FAM135B: variants seen among roughly 807,000 people sequenced by gnomAD.
FAM135B encodes protein FAM135B.
FAM135B carries 43 observed loss-of-function variants against 127.7 expected under a neutral mutation model. The ratio of observed to expected loss-of-function variants is 0.34; its 90% confidence interval spans 0.26 to 0.43. The LOEUF is 0.43. Among genes scored for constraint, FAM135B ranks in the 20% least tolerant of loss-of-function variants. The pLI is 1.00. For missense variants in FAM135B, 1,558 were observed against 1,725.6 expected (o/e 0.90, Z 1.72); for synonymous variants, 670 against 665.1 (o/e 1.01, Z -0.11).
intron 3 of FAM135B, among the ~76,000 whole-genome samples, chr8:138,267,438 C>T (rs1370707178): frequency 6.6e-6 from 1 of 151,342 alleles, no homozygotes; most frequent in Non-Finnish European, 1.5e-5. Flanking sequence ...GATTCATCCT[C>T]ACATCTACCT....
intron 19 of FAM135B, among the ~76,000 whole-genome samples, chr8:138,135,888 CT>C (rs1368485746): frequency 6.6e-6 from 1 of 151,902 alleles, no homozygotes; most frequent in East Asian, 1.9e-4. Context: ...AACTATATTA[CT>C]CTAAATCAAA....
intron 1 of FAM135B, among the ~76,000 whole-genome samples, chr8:138,402,564 ACCTCTATGCAGAGAAGTAGGTG>A (rs1359328481): frequency 6.6e-6 from 1 of 152,088 alleles, no homozygotes; most frequent in African/African-American, 2.4e-5. Flanking sequence ...ACATTAACTC[ACCTCTATGCAGAGAAGTAGGTG>A]CTCCCTGTTG....
Position 138,382,995 on chromosome 8 carries a change from G to A in FAM135B, c.-19-14993C>T, listed in dbSNP as rs566191801. 1.1e-3 allele frequency among the ~76,000 whole-genome samples: 161 copies of A among 152,244 alleles called. 2 individuals carry two copies. Among genetic ancestry groups the A allele is most frequent in the African/African-American group, 3.8e-3 (158 of 41,546 alleles). ...GTGATTGTAGGCATACGTCTGGCCT[G>A]GACATATCCACTGGGAAAGGGGCCA... On this transcript the variant is annotated intron_variant, in intron 1 of 19. Coordinates refer to ENST00000395297, the MANE Select transcript of FAM135B (RefSeq NM_015912.4).
At chr8:138,194,892 G>A (rs1816483216) in intron 9 of FAM135B, among the ~76,000 whole-genome samples, 2 of 152,202 alleles carry the variant, frequency 1.3e-5, no homozygotes, top group Admixed American at 1.3e-4. Context: ...TCCCTGCCAT[G>A]TCTGAGGCCA....
At chr8:138,324,603 A>T (rs1031753845) in intron 2 of FAM135B, among the ~76,000 whole-genome samples, 13 of 152,236 alleles carry the variant, frequency 8.5e-5, no homozygotes, top group African/African-American at 3.1e-4. Flanking sequence ...CAGTGTTCCA[A>T]CCACTATGCT....
intron 1 of FAM135B, among the ~76,000 whole-genome samples, chr8:138,432,613 T>C (rs1435655883): frequency 1.3e-5 from 2 of 151,964 alleles, no homozygotes; most frequent in Non-Finnish European, 2.9e-5. Flanking sequence ...AAAATAGGGA[T>C]AGCATCCGTA....
intron 1 of FAM135B, among the ~76,000 whole-genome samples, chr8:138,412,155 GC>G (rs1175672666): frequency 6.6e-6 from 1 of 152,122 alleles, no homozygotes; most frequent in African/African-American, 2.4e-5. Flanking sequence ...TGTATCCCCA[GC>G]CTCAGCATCA....
chr8:138,304,741 C>T (rs1164207933), intron 3 of FAM135B, among the ~76,000 whole-genome samples: 2 of 152,214 alleles, frequency 1.3e-5, no homozygotes, highest in East Asian at 1.9e-4. Flanking sequence ...ACAAAGGATA[C>T]AGTGGCAATG....
chr8:138,427,003 G>T (rs1834923930), intron 1 of FAM135B, among the ~76,000 whole-genome samples: 1 of 151,910 alleles, frequency 6.6e-6, no homozygotes, highest in South Asian at 2.1e-4. Flanking sequence ...TGGCAATTTG[G>T]ATTAATTGCA....
intron 1 of FAM135B, among the ~76,000 whole-genome samples, chr8:138,408,025 G>T (rs1281142930): frequency 6.6e-6 from 1 of 152,146 alleles, no homozygotes; most frequent in African/African-American, 2.4e-5. Context: ...TCCAGGCTTT[G>T]TTGTTCCATT....
chr8:138,273,834 G>C (rs187396416), intron 3 of FAM135B, among the ~76,000 whole-genome samples: 23 of 152,116 alleles, frequency 1.5e-4, no homozygotes, highest in Admixed American at 7.9e-4. Context: ...TAGAACCCTA[G>C]GTCATGGTCC....
At chr8:138,377,057 C>T (rs959236056) in intron 1 of FAM135B, among the ~76,000 whole-genome samples, 1 of 152,188 alleles carries the variant, frequency 6.6e-6, no homozygotes, top group African/African-American at 2.4e-5. Flanking sequence ...GAAGAAATAT[C>T]ATAATTCCAA....
At chr8:138,265,559 T>C in intron 4 of FAM135B, 144 bp downstream of exon 4, 1 of 818,662 alleles carries the variant, frequency 1.2e-6, no homozygotes, top group Non-Finnish European at 1.9e-6. Flanking sequence ...CATAAATAAG[T>C]GCATGAGTGC....
chr8:138,228,708 C>T (rs1445371632), intron 7 of FAM135B, among the ~76,000 whole-genome samples: 1 of 152,110 alleles, frequency 6.6e-6, no homozygotes, highest in Non-Finnish European at 1.5e-5. Context: ...CCTCTTAAAC[C>T]TCAAGCAGTA....
At chr8:138,456,060 T>A (rs919246871) in intron 1 of FAM135B, among the ~76,000 whole-genome samples, 3 of 152,210 alleles carry the variant, frequency 2.0e-5, no homozygotes, top group African/African-American at 7.2e-5. Context: ...TGTCAGCACA[T>A]AGTAGGTGGT....
chr8:138,318,314 C>T (rs1827225903), intron 2 of FAM135B, among the ~76,000 whole-genome samples: 1 of 152,202 alleles, frequency 6.6e-6, no homozygotes, highest in African/African-American at 2.4e-5. Context: ...CACCAACTGT[C>T]ACATTGTAAG....
rs1165370662 is a variant in FAM135B at position 138,410,335 on chromosome 8, G to A, written c.-19-42333C>T. On this transcript the variant is annotated intron_variant, in intron 1 of 19. Coordinates refer to ENST00000395297, the MANE Select transcript of FAM135B (RefSeq NM_015912.4). ...CCCAGTGAGCCCTGTTCCTGGTGTC[G>A]ATGCCCTTGTGTGATCCTAAGGATT... Among the ~76,000 whole-genome samples, 6 of 152,092 alleles carry A rather than the reference G, an allele frequency of 3.9e-5. No individual in the cohort carries two copies. The East Asian group carries it at 7.7e-4, about 20-fold the overall frequency.
intron 2 of FAM135B, among the ~76,000 whole-genome samples, chr8:138,325,776 A>G (rs1208646105): frequency 1.3e-5 from 2 of 152,128 alleles, no homozygotes; most frequent in Non-Finnish European, 2.9e-5. Context: ...CAACAACCCT[A>G]ATGGTGCTTT....
intron 12 of FAM135B, among the ~76,000 whole-genome samples, chr8:138,160,531 G>C (rs1434766178): frequency 2.0e-5 from 3 of 151,586 alleles, no homozygotes; most frequent in Non-Finnish European, 2.9e-5. Flanking sequence ...TGGGATTACA[G>C]GCACATGCCA....
Sources: allele counts gnomAD v4.1 joint callset (sites outside exome capture counted in the v4.1 genomes callset), GRCh38; gene constraint gnomAD v4.1.1; transcripts MANE v1.5; gene names NCBI Gene and HGNC (gene_info 2026-07-23, HGNC 2026-07-21).